FAM13A: variants seen among roughly 807,000 people sequenced by gnomAD.
FAM13A encodes the protein family with sequence similarity 13 member A.
In FAM13A, 76 loss-of-function variants were observed where a neutral mutation model predicts 129.6. The observed-to-expected ratio is 0.59, with a 90% CI of 0.49 to 0.71. FAM13A has a LOEUF of 0.71. Among genes scored for constraint, FAM13A ranks in the 30% least tolerant of loss-of-function variants. The probability of loss-of-function intolerance (pLI) is 0.00; values close to 1 mark genes in which losing one functional copy is unlikely to be tolerated. For missense variants in FAM13A, 1,108 were observed against 1,249.3 expected (o/e 0.89, Z 1.70); for synonymous variants, 443 against 449.9 (o/e 0.98, Z 0.20).
At chr4:88,936,129 G>A (rs971660758) in intron 5 of FAM13A, among the ~76,000 whole-genome samples, 15 of 151,984 alleles carry the variant, frequency 9.9e-5, no homozygotes, top group African/African-American at 3.4e-4. Flanking sequence ...ATTCTCATAC[G>A]ATGTTCTCCA....
intron 2 of FAM13A, among the ~76,000 whole-genome samples, chr4:89,022,718 A>G (rs903128575): frequency 2.0e-5 from 3 of 152,128 alleles, no homozygotes; most frequent in Non-Finnish European, 4.4e-5. Flanking sequence ...TTAAGTTATA[A>G]AAGACTGACA....
chr4:88,835,556 A>G (rs1734672238), intron 7 of FAM13A, among the ~76,000 whole-genome samples: 1 of 152,144 alleles, frequency 6.6e-6, no homozygotes, highest in Non-Finnish European at 1.5e-5. Context: ...ATATAGTGAA[A>G]TAATTATACA....
At chr4:88,931,919 A>G (rs560536692) in intron 5 of FAM13A, among the ~76,000 whole-genome samples, 1 of 152,356 alleles carries the variant, frequency 6.6e-6, no homozygotes, top group African/African-American at 2.4e-5. Context: ...ATACAATCAG[A>G]TTACAAAGAA....
At chr4:88,987,108 C>G (rs1762330293) in intron 4 of FAM13A, among the ~76,000 whole-genome samples, 1 of 152,096 alleles carries the variant, frequency 6.6e-6, no homozygotes, top group South Asian at 2.1e-4. Context: ...AGTTGCCAGC[C>G]TAAAGGGACT....
chr4:88,879,357 A>G (rs1311616396), intron 6 of FAM13A, among the ~76,000 whole-genome samples: 1 of 152,228 alleles, frequency 6.6e-6, no homozygotes, highest in East Asian at 1.9e-4. Flanking sequence ...TATAGCATAT[A>G]AGACTAGAAA....
intron 7 of FAM13A, among the ~76,000 whole-genome samples, chr4:88,821,523 G>C (rs1731906860): frequency 6.6e-6 from 1 of 152,062 alleles, no homozygotes; most frequent in Admixed American, 6.6e-5. Context: ...ACAGTATAAA[G>C]ATCTATTTTC....
At chr4:89,018,022 A>G (rs1235531242) in intron 3 of FAM13A, among the ~76,000 whole-genome samples, 2 of 152,092 alleles carry the variant, frequency 1.3e-5, no homozygotes, top group Non-Finnish European at 2.9e-5. Context: ...CATTTTTTTC[A>G]AAAATGAAGT....
intron 7 of FAM13A, among the ~76,000 whole-genome samples, chr4:88,849,192 T>A (rs1014463421): frequency 6.6e-6 from 1 of 152,162 alleles, no homozygotes; most frequent in African/African-American, 2.4e-5. Flanking sequence ...ATCTTCTATC[T>A]CCCCAAGTGG....
intron 19 of FAM13A, among the ~76,000 whole-genome samples, chr4:88,743,046 A>AT (rs1181663810): frequency 1.3e-5 from 2 of 152,190 alleles, no homozygotes; most frequent in Non-Finnish European, 2.9e-5. Flanking sequence ...ATTAAGATGT[A>AT]TTTTTGCACA....
At chr4:88,896,589 A>G (rs1746378394) in intron 6 of FAM13A, among the ~76,000 whole-genome samples, 1 of 152,374 alleles carries the variant, frequency 6.6e-6, no homozygotes, top group East Asian at 1.9e-4. Context: ...GTGACATGTC[A>G]TCTCATTATT....
In FAM13A at chr4:88,747,870, G is replaced by T; in HGVS notation, c.2162-19C>A. 6.6e-7 allele frequency: 1 copy of T among 1,513,862 alleles called. No homozygotes were observed. The highest frequency in any genetic ancestry group is 9.1e-7 in the Non-Finnish European group (1 of 1,093,126). The allele number at this position is 1,513,862 out of a possible 1,614,324, so 93.8% of individuals were successfully genotyped here. Reference sequence around the variant, plus strand: ...TTTGATTCTAGTTGAGAAGATTTGGGGGTAAAGATATATGAGATTTATTTA... The same window carrying T: ...TTTGATTCTAGTTGAGAAGATTTGGTGGTAAAGATATATGAGATTTATTTA... On this transcript the variant is annotated intron_variant, in intron 17 of 23. Transcript: ENST00000264344.
At chr4:88,943,165 A>G (rs552222855) in intron 4 of FAM13A, among the ~76,000 whole-genome samples, 44 of 152,312 alleles carry the variant, frequency 2.9e-4, no homozygotes, top group African/African-American at 9.6e-4. Context: ...AGCGTTTTGA[A>G]CTTTTATTTT....
rs1420164619 is a variant in FAM13A, at chr4:88,823,098, G to A, written c.1008-18046C>T. On this transcript the variant is annotated intron_variant, in intron 7 of 23. Transcript: ENST00000264344. ...GTGAACGTCTTCTTACAGTGGCTAA[G>A]CTGGGTTGGGGGCATGAGGCTGCAC... 14 of 1,589,774 alleles carry A rather than the reference G, an allele frequency of 8.8e-6. No homozygotes were observed. In the Admixed American group the frequency reaches 2.2e-4, roughly 24 times the overall value.
intron 2 of FAM13A, among the ~76,000 whole-genome samples, chr4:89,025,245 G>GTTTTTTTTTTTTTTTTTT (rs56710705): frequency 4.9e-5 from 3 of 61,368 alleles, no homozygotes; most frequent in Non-Finnish European, 9.7e-5. Context: ...TGGAATCATT[G>GTTTTTTTTTTTTTTTTTT]TTTTTTTTTT....
At chr4:88,836,225 A>G (rs1448495316) in intron 7 of FAM13A, among the ~76,000 whole-genome samples, 1 of 152,170 alleles carries the variant, frequency 6.6e-6, no homozygotes, top group Non-Finnish European at 1.5e-5. Flanking sequence ...AAAATGGTAA[A>G]TTTTATGTTA....
chr4:89,031,535 T>C (rs1232404694), intron 1 of FAM13A, among the ~76,000 whole-genome samples: 1 of 152,178 alleles, frequency 6.6e-6, no homozygotes, highest in Non-Finnish European at 1.5e-5. Flanking sequence ...AGGTAGAAAT[T>C]AGTTCATTTA....
intron 21 of FAM13A, among the ~76,000 whole-genome samples, chr4:88,736,204 A>G (rs548904323): frequency 6.6e-6 from 1 of 152,332 alleles, no homozygotes; most frequent in East Asian, 1.9e-4. Context: ...AATTTCAAGT[A>G]CCGTGTTTAC....
Position 88,747,824 on chromosome 4 carries a change from T to A in FAM13A, c.2189A>T (p.Asp730Val), listed in dbSNP as rs1405500572. 6.2e-7 allele frequency: 1 copy of A among 1,613,640 alleles called. No homozygotes were observed. The highest frequency in any genetic ancestry group is 2.2e-5 in the East Asian group (1 of 44,880). Reference protein sequence around the residue: ...KESKLKISEEDLTPRMRQRSN... With the variant: ...KESKLKISEEVLTPRMRQRSN... The stretch of plus-strand genomic sequence containing the variant: ...TCGCTGCCGCATCCTGGGAGTTAGG[T>A]CCTCTTCAGATATCTTTAGTTTTGA... The change falls in exon 18 of 24, where the codon GAC becomes GTC. Residue 730 changes from aspartate to valine, a missense_variant. Transcript: ENST00000264344.
At chr4:88,866,989 T>C (rs1388217208) in intron 6 of FAM13A, among the ~76,000 whole-genome samples, 1 of 152,204 alleles carries the variant, frequency 6.6e-6, no homozygotes, top group African/African-American at 2.4e-5. Context: ...ATAAAGCAGT[T>C]AGGTAAATAT....
Sources: allele counts gnomAD v4.1 joint callset (sites outside exome capture counted in the v4.1 genomes callset), GRCh38; gene constraint gnomAD v4.1.1; transcripts MANE v1.5; gene names NCBI Gene and HGNC (gene_info 2026-07-23, HGNC 2026-07-21).